The following AFF3 variants were observed in gnomAD, a reference collection of about 807,000 sequenced individuals.
AFF3 encodes the protein AF4/FMR2 family member 3.
In AFF3, 32 loss-of-function variants were observed where a neutral mutation model predicts 129.7. The ratio of observed to expected loss-of-function variants is 0.25; its 90% CI spans 0.19 to 0.33. The LOEUF is 0.33. AFF3 is among the 10% of genes least tolerant of loss of function. The probability of loss-of-function intolerance (pLI) is 1.00; values close to 1 mark genes in which losing one functional copy is unlikely to be tolerated. For missense variants in AFF3, 1,373 were observed against 1,592.0 expected (o/e 0.86, Z 2.34); for synonymous variants, 644 against 635.4 (o/e 1.01, Z -0.20).
intron 13 of AFF3, among the ~76,000 whole-genome samples, chr2:99,616,315 A>G (rs1681425962): frequency 6.6e-6 from 1 of 152,062 alleles, no homozygotes; most frequent in African/African-American, 2.4e-5. Flanking sequence ...TCCATATGGC[A>G]GTAACACTCT....
At chr2:100,123,365 A>G (rs192418389) in intron 2 of AFF3, among the ~76,000 whole-genome samples, 1 of 152,384 alleles carries the variant, frequency 6.6e-6, no homozygotes, top group Non-Finnish European at 1.5e-5. Flanking sequence ...AAGGATGCAG[A>G]GTCCTGGTGT....
At chr2:99,667,242 C>A (rs188284152) in intron 12 of AFF3, among the ~76,000 whole-genome samples, 1 of 152,008 alleles carries the variant, frequency 6.6e-6, no homozygotes, top group South Asian at 2.1e-4. Flanking sequence ...AGATTAAGGG[C>A]GATCTCTGAG....
intron 7 of AFF3, among the ~76,000 whole-genome samples, chr2:99,956,418 A>G (rs371202505): frequency 1.3e-5 from 2 of 152,124 alleles, no homozygotes; most frequent in African/African-American, 2.4e-5. Flanking sequence ...GTAAACCCTG[A>G]TATCAAAAGC....
chr2:99,753,636 T>C (rs1186022120), intron 8 of AFF3, among the ~76,000 whole-genome samples: 4 of 152,122 alleles, frequency 2.6e-5, no homozygotes, highest in East Asian at 1.9e-4. Flanking sequence ...GCACCTCAGA[T>C]AGTGCAGAAC....
chr2:99,821,877 A>C (rs1295671923), intron 8 of AFF3, among the ~76,000 whole-genome samples: 3 of 152,114 alleles, frequency 2.0e-5, no homozygotes, highest in East Asian at 1.9e-4. Context: ...CTAACTTCTC[A>C]CAAGCAATCT....
chr2:99,786,782 G>A (rs1023347423), intron 8 of AFF3, among the ~76,000 whole-genome samples: 2 of 152,172 alleles, frequency 1.3e-5, no homozygotes, highest in African/African-American at 4.8e-5. Context: ...GATTCAATGT[G>A]CCGTGGAGTT....
At chr2:99,643,769 TG>T (rs1684438474) in intron 13 of AFF3, among the ~76,000 whole-genome samples, 1 of 152,244 alleles carries the variant, frequency 6.6e-6, no homozygotes, top group South Asian at 2.1e-4. Context: ...ATTTCTGATC[TG>T]GCTTCTGGAC....
intron 17 of AFF3, among the ~76,000 whole-genome samples, chr2:99,581,769 G>C (rs1437444501): frequency 1.3e-5 from 2 of 151,860 alleles, no homozygotes; most frequent in African/African-American, 2.4e-5. Context: ...AGTGGTCCAG[G>C]ACCACTGGCT....
chr2:100,049,733 T>A (rs1290127625), intron 4 of AFF3, among the ~76,000 whole-genome samples: 1 of 152,212 alleles, frequency 6.6e-6, no homozygotes, highest in East Asian at 1.9e-4. Context: ...CACCATTTTT[T>A]AAACTTTTCT....
intron 4 of AFF3, among the ~76,000 whole-genome samples, chr2:100,071,874 T>A (rs962026677): frequency 6.6e-6 from 1 of 152,194 alleles, no homozygotes; most frequent in Non-Finnish European, 1.5e-5. Flanking sequence ...GCACGTACTG[T>A]ACAGCATATG....
chr2:99,582,920 AT>A lies in AFF3; in HGVS notation c.2670del (p.Lys890AsnfsTer7). ...ISPLSDASKH[K>X]YTSEDLTSSS... ...GAAGAAGTTAAGTCCTCGCTGGTGT[AT>A]TTGTGTTTAGATGCATCAGAGAGGG... On this transcript the variant is annotated frameshift_variant, in exon 17 of 25. Coordinates refer to ENST00000672756, the MANE Select transcript of AFF3 (RefSeq NM_001386135.1). LOFTEE classifies it high-confidence loss of function. The A allele has an allele frequency of 6.2e-7, 1 of 1,614,096 alleles. No homozygotes were observed. Among genetic ancestry groups the A allele is most frequent in the Non-Finnish European group, 8.5e-7 (1 of 1,180,000 alleles).
At chr2:99,755,270 ATT>A (rs1016331802) in intron 8 of AFF3, among the ~76,000 whole-genome samples, 10 of 132,516 alleles carry the variant, frequency 7.5e-5, no homozygotes, top group East Asian at 2.2e-4. Flanking sequence ...ATATTTTCCT[ATT>A]TTTTTTTTTT....
chr2:99,651,307 G>C (rs993118424), intron 12 of AFF3, among the ~76,000 whole-genome samples: 39 of 152,256 alleles, frequency 2.6e-4, no homozygotes, highest in Middle Eastern at 3.4e-3. Flanking sequence ...GCCAAGGAAG[G>C]CAGATGGCAC....
intron 7 of AFF3, among the ~76,000 whole-genome samples, chr2:99,942,436 T>A (rs1461795109): frequency 6.7e-6 from 1 of 149,790 alleles, no homozygotes; most frequent in Non-Finnish European, 1.5e-5. Flanking sequence ...AAAATAAGGA[T>A]GATGTGCTAG....
intron 13 of AFF3, among the ~76,000 whole-genome samples, chr2:99,611,559 T>G (rs955948216): frequency 1.3e-5 from 2 of 152,116 alleles, no homozygotes; most frequent in Non-Finnish European, 1.5e-5. Context: ...ACAGTTTTTT[T>G]TCCCCCCACG....
chr2:99,869,378 A>G (rs1691686285), intron 7 of AFF3, among the ~76,000 whole-genome samples: 1 of 149,038 alleles, frequency 6.7e-6, no homozygotes, highest in Non-Finnish European at 1.5e-5. Flanking sequence ...CACTCAATAA[A>G]CATTTACTCA....
At chr2:99,816,210 G>T (rs1364286698) in intron 8 of AFF3, among the ~76,000 whole-genome samples, 1 of 151,850 alleles carries the variant, frequency 6.6e-6, no homozygotes. Flanking sequence ...CTCTCTTGTA[G>T]TTTCCATCTC....
intron 7 of AFF3, among the ~76,000 whole-genome samples, chr2:99,850,304 A>T (rs571662842): frequency 4.4e-4 from 67 of 152,210 alleles, no homozygotes; most frequent in Non-Finnish European, 9.1e-4. Context: ...CTAAGCTGAA[A>T]GCTCCAGAGT....
At chr2:99,832,775 G>C (rs1176794085) in intron 8 of AFF3, among the ~76,000 whole-genome samples, 2 of 152,128 alleles carry the variant, frequency 1.3e-5, no homozygotes, top group African/African-American at 4.8e-5. Context: ...GCCCTCCATC[G>C]GGCTGACTTT....
Sources: gnomAD v4.1 joint callset for allele counts (sites outside exome capture counted in the v4.1 genomes callset) on GRCh38, gnomAD v4.1.1 for gene constraint, MANE v1.5 for transcripts, NCBI Gene and HGNC (gene_info 2026-07-23, HGNC 2026-07-21) for gene names.